DCDC1: variants seen among roughly 807,000 people sequenced by gnomAD.
DCDC1 encodes the protein doublecortin domain containing 1.
In DCDC1, 200 loss-of-function variants were observed where a neutral mutation model predicts 178.3. That is an observed-to-expected ratio of 1.12 (90% CI 1.00 to 1.26). DCDC1 has a LOEUF of 1.26. Among genes scored for constraint, DCDC1 ranks in the 50% most tolerant of loss-of-function variants. The pLI is 0.00. For missense variants in DCDC1, 1,983 were observed against 1,749.2 expected, an observed-to-expected ratio of 1.13 and a Z score of -2.38; for synonymous variants, 690 against 604.8, an observed-to-expected ratio of 1.14 and a Z score of -2.07.
In DCDC1 at chr11:31,271,424, T is replaced by C. The variant is rs547749818; in HGVS notation, c.961-5824A>G. ...ACGTAAGTCTTTTCTATCTTGAAAA[T>C]TAAATCTCCCCATACCTACCTGATA... On this transcript the variant is annotated intron_variant, in intron 7 of 38. Coordinates refer to ENST00000684477, the MANE Select transcript of DCDC1 (RefSeq NM_001387274.1). Among the ~76,000 whole-genome samples, 87 of 152,300 alleles carry C rather than the reference T, an allele frequency of 5.7e-4. 1 individual carries two copies. Among genetic ancestry groups the C allele is most frequent in the African/African-American group, 2.0e-3 (84 of 41,582 alleles).
chr11:31,276,656 C>T (rs1313209761), intron 7 of DCDC1, among the ~76,000 whole-genome samples: 8 of 151,970 alleles, frequency 5.3e-5, no homozygotes, highest in Non-Finnish European at 1.2e-4. Context: ...AAATTTGTAC[C>T]CATCTCATTA....
chr11:31,342,793 T>C (rs942413415), intron 1 of DCDC1, among the ~76,000 whole-genome samples: 5 of 152,154 alleles, frequency 3.3e-5, no homozygotes, highest in African/African-American at 4.8e-5. Context: ...CCTGGTGTGT[T>C]TATGATATAA....
intron 1 of DCDC1, among the ~76,000 whole-genome samples, chr11:31,337,895 G>A (rs1478205642): frequency 6.6e-6 from 1 of 152,144 alleles, no homozygotes; most frequent in East Asian, 1.9e-4. Context: ...TAATTTAGGG[G>A]AAGAGGAAGG....
chr11:30,994,677 A>C (rs1472188235), intron 20 of DCDC1, among the ~76,000 whole-genome samples: 1 of 145,382 alleles, frequency 6.9e-6, no homozygotes, highest in East Asian at 1.9e-4. Context: ...AATATATAAT[A>C]TATAACATAT....
At position 31,137,594 on chromosome 11, in the gene DCDC1, C is replaced by T. The variant is rs375751066; in HGVS notation, c.1314+98G>A. 9.3e-5 allele frequency: 55 copies of T among 592,894 alleles called. 1 individual carries two copies. The highest frequency in any genetic ancestry group is 6.1e-4 in the East Asian group (20 of 32,944). The allele number at this position is 592,894 out of a possible 1,614,324, so 36.7% of individuals were successfully genotyped here. On this transcript the variant is annotated intron_variant, in intron 10 of 38. Transcript: ENST00000684477. ...CAAACTCCTGACCTTGTGATCTTCC[C>T]GCCTCGGCCTCCCAAAGTGCGGGGA...
rs372717597 is a variant in DCDC1 at position 30,983,521 on chromosome 11, C to T, written c.2592-30953G>A. 1.2e-3 allele frequency among the ~76,000 whole-genome samples: 183 copies of T among 152,062 alleles called. 1 individual carries two copies. The highest frequency in any genetic ancestry group is 9.7e-3 in the South Asian group (47 of 4,822). On this transcript the variant is annotated intron_variant, in intron 20 of 38. Coordinates refer to ENST00000684477, the MANE Select transcript of DCDC1 (RefSeq NM_001387274.1). The stretch of plus-strand genomic sequence containing the variant: ...AATAGAATTATCTGGTTCACATTTG[C>T]GATCCATTAAAATTACATAAATCAT...
At chr11:31,179,094 T>C (rs1968450600) in intron 9 of DCDC1, among the ~76,000 whole-genome samples, 1 of 152,110 alleles carries the variant, frequency 6.6e-6, no homozygotes, top group Non-Finnish European at 1.5e-5. Flanking sequence ...ACACCACTAA[T>C]AATCATCAGG....
At chr11:31,321,807 T>C (rs1219605800) in intron 3 of DCDC1, among the ~76,000 whole-genome samples, 5 of 152,276 alleles carry the variant, frequency 3.3e-5, no homozygotes, top group Middle Eastern at 3.4e-3. Flanking sequence ...CTAGAAACTC[T>C]TTCATAATAA....
intron 15 of DCDC1, among the ~76,000 whole-genome samples, chr11:31,098,750 C>T: frequency 6.6e-6 from 1 of 152,132 alleles, no homozygotes; most frequent in East Asian, 1.9e-4. Flanking sequence ...AATTACTATT[C>T]CCAATGCACT....
intron 9 of DCDC1, among the ~76,000 whole-genome samples, chr11:31,221,529 T>G (rs1974265656): frequency 6.6e-6 from 1 of 152,180 alleles, no homozygotes; most frequent in Non-Finnish European, 1.5e-5. Flanking sequence ...CCCATCCACA[T>G]GGTTCTGGTG....
At position 31,305,605 on chromosome 11, in the gene DCDC1, T is replaced by A. The variant is rs1948403812; in HGVS notation, c.754+10A>T. On this transcript the variant is annotated intron_variant, in intron 6 of 38. Transcript: ENST00000684477. ...GTGTGGGGGTAGGGTATTTTTTAGATCTTTTTTACCTTTAATTTTTTTGAA... is the reference window on the plus strand; with the variant it reads ...GTGTGGGGGTAGGGTATTTTTTAGAACTTTTTTACCTTTAATTTTTTTGAA... 1 of 1,612,838 alleles carries A rather than the reference T, an allele frequency of 6.2e-7. No individual in the cohort carries two copies. Among genetic ancestry groups the A allele is most frequent in the East Asian group, 2.2e-5 (1 of 44,862 alleles).
At position 31,110,304 on chromosome 11, in the gene DCDC1, A is replaced by T. The variant is rs774042680; in HGVS notation, c.1543T>A (p.Leu515Met). 7.0e-6 allele frequency: 5 copies of T among 713,348 alleles called. No individual in the cohort carries two copies. Among genetic ancestry groups the T allele is most frequent in the Admixed American group, 1.9e-5 (1 of 51,428 alleles). The allele number at this position is 713,348 out of a possible 1,614,324, so 44.2% of individuals were successfully genotyped here. The change falls in exon 12 of 39, where the codon TTG (leucine) becomes ATG (methionine). Residue 515 changes from leucine (L) to methionine (M), a missense_variant. Transcript: ENST00000684477. Reference protein sequence around the residue: ...EISVGISKKDLGSDSPIQTDH... With the variant: ...EISVGISKKDMGSDSPIQTDH... ...GTTTGAATTGGGCTATCCGATCCCA[A>T]ATCTTTTTTACTGATACCAACAGAG...
At position 31,241,420 on chromosome 11, in the gene DCDC1, T is replaced by TA. The variant is rs556065309; in HGVS notation, c.1221+29dup. On this transcript the variant is annotated intron_variant, in intron 9 of 38. Coordinates refer to ENST00000684477, the MANE Select transcript of DCDC1 (RefSeq NM_001387274.1). ...CCAAGTATATTTTTAAAACATATAA[T>TA]AAAGAAATTTTTAAAGAGGGATGAC... 426 of 396,064 alleles carry TA rather than the reference T, an allele frequency of 1.1e-3. 2 individuals carry two copies. Among genetic ancestry groups the TA allele is most frequent in the African/African-American group, 7.2e-3 (348 of 48,562 alleles). 24.5% of individuals were successfully genotyped at this position (396,064 alleles called of 1,614,324 possible). A position where few individuals can be genotyped will look rare whatever the true frequency, so the allele number is the denominator to read the frequency against.
intron 7 of DCDC1, among the ~76,000 whole-genome samples, chr11:31,268,196 G>C (rs1001242252): frequency 2.6e-5 from 4 of 151,998 alleles, no homozygotes; most frequent in Admixed American, 6.6e-5. Context: ...ATATTTCCTA[G>C]TTATGAGTGA....
chr11:31,037,621 C>T (rs765222263), intron 20 of DCDC1, among the ~76,000 whole-genome samples: 4 of 151,674 alleles, frequency 2.6e-5, no homozygotes, highest in Non-Finnish European at 5.9e-5. Flanking sequence ...ACAAAATTAG[C>T]CCGGATAATT....
chr11:31,189,210 T>G (rs962284186), intron 9 of DCDC1, among the ~76,000 whole-genome samples: 5 of 152,132 alleles, frequency 3.3e-5, no homozygotes, highest in Admixed American at 1.3e-4. Flanking sequence ...TAATAGTTAA[T>G]TATCCAAGGC....
chr11:31,171,031 T>C (rs1260256344), intron 9 of DCDC1, among the ~76,000 whole-genome samples: 1 of 152,128 alleles, frequency 6.6e-6, no homozygotes, highest in Non-Finnish European at 1.5e-5. Flanking sequence ...TTTCTCCATG[T>C]TGGCCAGGCT....
chr11:31,311,154 CAA>C (rs1948748861), intron 3 of DCDC1, among the ~76,000 whole-genome samples: 1 of 152,170 alleles, frequency 6.6e-6, no homozygotes, highest in African/African-American at 2.4e-5. Flanking sequence ...TCAAATTCCT[CAA>C]AGAGTTTAAT....
At position 30,976,796 on chromosome 11, in the gene DCDC1, T is replaced by C. The variant is rs1297084425; in HGVS notation, c.2592-24228A>G. Reference sequence around the variant, plus strand: ...GGAGATTTCTCAAAAAAGCTAAAAATAGAACTACCATACAATCTAGCCATC... The same window carrying C: ...GGAGATTTCTCAAAAAAGCTAAAAACAGAACTACCATACAATCTAGCCATC... On this transcript the variant is annotated intron_variant, in intron 20 of 38. Coordinates refer to ENST00000684477, the MANE Select transcript of DCDC1 (RefSeq NM_001387274.1). Among the ~76,000 whole-genome samples, 5 of 152,192 alleles carry C rather than the reference T, an allele frequency of 3.3e-5. No homozygotes were observed. In the East Asian group the frequency reaches 5.8e-4, roughly 18 times the overall value.
Sources: gnomAD v4.1 joint callset for allele counts (sites outside exome capture counted in the v4.1 genomes callset) on GRCh38, gnomAD v4.1.1 for gene constraint, MANE v1.5 for transcripts, NCBI Gene and HGNC (gene_info 2026-07-23, HGNC 2026-07-21) for gene names.